The following LHPP variants were observed in gnomAD, a reference collection of about 807,000 sequenced individuals.
The protein encoded by LHPP is phospholysine phosphohistidine inorganic pyrophosphate phosphatase.
A neutral mutation model predicts 30.3 loss-of-function variants in LHPP; 24 were observed. The observed-to-expected ratio is 0.79, with a 90% CI of 0.57 to 1.11. The LOEUF (loss-of-function observed/expected upper bound fraction) is 1.11, where lower values mean the gene tolerates loss of function less well. Ranked by LOEUF, LHPP falls within the 50% of genes most tolerant of loss-of-function variation. The pLI is 0.00. For synonymous variants in LHPP, 150 were observed against 157.1 expected (o/e 0.95, Z 0.34); for missense variants, 356 against 367.2 (o/e 0.97, Z 0.25).
At chr10:124,486,507 G>T (rs1953331579) in intron 2 of LHPP, among the ~76,000 whole-genome samples, 1 of 152,218 alleles carries the variant, frequency 6.6e-6, no homozygotes, top group Admixed American at 6.5e-5. Flanking sequence ...GAAGAGAGGA[G>T]ACACATGGGG....
intron 1 of LHPP, among the ~76,000 whole-genome samples, chr10:124,469,380 G>A (rs1001329898): frequency 3.9e-5 from 6 of 152,156 alleles, no homozygotes; most frequent in Middle Eastern, 3.4e-3. Flanking sequence ...CACGGAGCAC[G>A]GGGGAAGTAG....
rs139457142 is a variant in LHPP, at chr10:124,487,308, A to G, written c.314-1114A>G. 8.0e-3 allele frequency among the ~76,000 whole-genome samples: 1,225 copies of G among 152,226 alleles called. 14 individuals are homozygous for G. The highest frequency in any genetic ancestry group is 0.028 in the African/African-American group (1,170 of 41,550). On this transcript the variant is annotated intron_variant, in intron 2 of 6. Coordinates refer to ENST00000368842, the MANE Select transcript of LHPP (RefSeq NM_022126.4). Reference sequence around the variant, plus strand: ...AGACCTTTTTTTCAGAGGGATTGCAATATTTTACACGTCCTCCATCTGCTG... The same window carrying G: ...AGACCTTTTTTTCAGAGGGATTGCAGTATTTTACACGTCCTCCATCTGCTG...
At chr10:124,474,032 G>C (rs1224806890) in intron 1 of LHPP, among the ~76,000 whole-genome samples, 2 of 151,406 alleles carry the variant, frequency 1.3e-5, no homozygotes, top group Non-Finnish European at 2.9e-5. Context: ...TAAACTATCA[G>C]GAGATAAAAG....
chr10:124,565,778 CA>C (rs1345386649), intron 6 of LHPP, among the ~76,000 whole-genome samples: 1 of 152,190 alleles, frequency 6.6e-6, no homozygotes. Flanking sequence ...TGGCCTTTCT[CA>C]AGGTCACAGG....
chr10:124,490,473 G>A, intron 3 of LHPP: 2 of 336,622 alleles, frequency 5.9e-6, no homozygotes, highest in South Asian at 3.0e-5. Context: ...ATTCTCATCT[G>A]CCAGCTCCGG....
chr10:124,591,668 C>G (rs1183246662), intron 6 of LHPP, among the ~76,000 whole-genome samples: 1 of 151,926 alleles, frequency 6.6e-6, no homozygotes, highest in Non-Finnish European at 1.5e-5. Flanking sequence ...AAGATGGGAG[C>G]TTCAGTGATC....
chr10:124,525,922 G>C (rs1033774071), intron 6 of LHPP, among the ~76,000 whole-genome samples: 137 of 152,314 alleles, frequency 9.0e-4, no homozygotes, highest in Non-Finnish European at 3.7e-4. Context: ...TGAGGGCTGG[G>C]GGGCTCTGAG....
At chr10:124,498,177 GAGGCCCT>G (rs748904238) in intron 5 of LHPP, 49 bp downstream of exon 5, 2 of 1,564,738 alleles carry the variant, frequency 1.3e-6, no homozygotes, top group South Asian at 2.2e-5. Context: ...CCCCGTCAGG[GAGGCCCT>G]GGAGCTTGGA....
In LHPP at chr10:124,478,731, T is replaced by C. The variant is rs1336853269; in HGVS notation, c.126-5408T>C. 1.3e-5 allele frequency among the ~76,000 whole-genome samples: 2 copies of C among 152,112 alleles called. No homozygotes were observed. Among genetic ancestry groups the C allele is most frequent in the African/African-American group, 4.8e-5 (2 of 41,420 alleles). ...CACTCAGAGGCTCGTCCTGGCCTGCTGAGATGAGGTAAAGGTCAGTTCAAA... is the reference window on the plus strand; with the variant it reads ...CACTCAGAGGCTCGTCCTGGCCTGCCGAGATGAGGTAAAGGTCAGTTCAAA... On this transcript the variant is annotated intron_variant, in intron 1 of 6. Transcript: ENST00000368842. The surrounding 1 kb of genome is among the most constrained non-coding windows in gnomAD (Gnocchi z 4.7).
intron 6 of LHPP, among the ~76,000 whole-genome samples, chr10:124,597,354 G>A (rs1222937273): frequency 6.6e-6 from 1 of 152,184 alleles, no homozygotes; most frequent in East Asian, 1.9e-4. Context: ...CTCCAGGCAG[G>A]CCCCTCACCT....
intron 6 of LHPP, among the ~76,000 whole-genome samples, chr10:124,532,542 C>A (rs935644680): frequency 1.4e-4 from 21 of 152,250 alleles, no homozygotes; most frequent in Admixed American, 3.3e-4. Context: ...CTTCCTCATT[C>A]TCTCTCCATC....
At chr10:124,568,328 T>C (rs1948525309) in intron 6 of LHPP, among the ~76,000 whole-genome samples, 1 of 152,208 alleles carries the variant, frequency 6.6e-6, no homozygotes, top group African/African-American at 2.4e-5. Flanking sequence ...TGAAACCAGC[T>C]CCGGATCGAG....
intron 6 of LHPP, among the ~76,000 whole-genome samples, chr10:124,528,147 C>G (rs944187489): frequency 3.9e-5 from 6 of 152,162 alleles, no homozygotes; most frequent in Non-Finnish European, 8.8e-5. Flanking sequence ...GAGGGTTAAG[C>G]TCGGCCCCTA....
At chr10:124,512,386 G>A (rs939664233) in intron 5 of LHPP, among the ~76,000 whole-genome samples, 2 of 152,162 alleles carry the variant, frequency 1.3e-5, no homozygotes, top group African/African-American at 2.4e-5. Context: ...GGAGGCTGAG[G>A]CAGGTGGATG....
intron 3 of LHPP, among the ~76,000 whole-genome samples, chr10:124,491,440 C>T (rs760779104): frequency 3.9e-5 from 6 of 152,180 alleles, no homozygotes; most frequent in Non-Finnish European, 5.9e-5. Context: ...TGACTACAAC[C>T]TTGTGGGATC....
At chr10:124,467,920 G>T (rs966000921) in intron 1 of LHPP, among the ~76,000 whole-genome samples, 1 of 152,130 alleles carries the variant, frequency 6.6e-6, no homozygotes, top group East Asian at 1.9e-4. Context: ...ATGTTGACCA[G>T]GCTGGTCTCA....
At chr10:124,506,039 T>C (rs186190265) in intron 5 of LHPP, among the ~76,000 whole-genome samples, 25 of 151,810 alleles carry the variant, frequency 1.6e-4, no homozygotes, top group Non-Finnish European at 1.9e-4. Context: ...AGCCCAGGAG[T>C]TCGAGACCAG....
intron 5 of LHPP, among the ~76,000 whole-genome samples, chr10:124,506,706 G>C (rs1364055619): frequency 1.8e-4 from 13 of 73,680 alleles, no homozygotes; most frequent in African/African-American, 4.6e-4. Context: ...GGCGGGTAGG[G>C]AAGATTTCAA....
At chr10:124,493,264 C>T (rs764064358) in intron 3 of LHPP, among the ~76,000 whole-genome samples, 35 of 152,186 alleles carry the variant, frequency 2.3e-4, no homozygotes, top group South Asian at 1.2e-3. Context: ...AGAAAGGAAC[C>T]GGCGGTTTTA....
Sources: allele counts gnomAD v4.1 joint callset (sites outside exome capture counted in the v4.1 genomes callset), GRCh38; gene constraint gnomAD v4.1.1; non-coding constraint Gnocchi (gnomAD v3.1); transcripts MANE v1.5; gene names NCBI Gene and HGNC (gene_info 2026-07-23, HGNC 2026-07-21).